TOX2: variants seen among roughly 807,000 people sequenced by gnomAD.
TOX2 encodes granulosa cell HMG box 1.
A neutral mutation model predicts 47.4 loss-of-function variants in TOX2; 15 were observed. The ratio of observed to expected loss-of-function variants is 0.32; its 90% CI spans 0.21 to 0.49. The LOEUF is 0.49. Among genes scored for constraint, TOX2 ranks in the 20% least tolerant of loss-of-function variants. The probability of loss-of-function intolerance (pLI) is 0.99; values close to 1 mark genes in which losing one functional copy is unlikely to be tolerated. For synonymous variants in TOX2, 290 were observed against 296.6 expected (o/e 0.98, Z 0.23); for missense variants, 622 against 673.1 (o/e 0.92, Z 0.84).
intron 1 of TOX2, among the ~76,000 whole-genome samples, chr20:43,929,853 G>T (rs2069229348): frequency 6.6e-6 from 1 of 152,068 alleles, no homozygotes; most frequent in Non-Finnish European, 1.5e-5. Context: ...GGGATTACAG[G>T]AACACACCAC....
At chr20:43,956,738 C>A (rs1423611813) in intron 1 of TOX2, among the ~76,000 whole-genome samples, 1 of 152,182 alleles carries the variant, frequency 6.6e-6, no homozygotes, top group African/African-American at 2.4e-5. Context: ...TAGGCTGGAA[C>A]CCGTTTCCCA....
At chr20:43,919,076 C>T (rs1016924430) in intron 1 of TOX2, among the ~76,000 whole-genome samples, 1 of 152,190 alleles carries the variant, frequency 6.6e-6, no homozygotes, top group African/African-American at 2.4e-5. Context: ...AACCTGGGTA[C>T]CACCTTCCCC....
intron 1 of TOX2, among the ~76,000 whole-genome samples, chr20:43,964,066 A>G (rs947207660): frequency 1.3e-5 from 2 of 152,060 alleles, no homozygotes; most frequent in African/African-American, 2.4e-5. Context: ...CATTTTGCAG[A>G]TGAGAAAACT....
intron 2 of TOX2, among the ~76,000 whole-genome samples, chr20:43,981,945 T>TG (rs1378482378): frequency 6.6e-6 from 1 of 152,046 alleles, no homozygotes; most frequent in African/African-American, 2.4e-5. Context: ...CTTTTTTTTT[T>TG]TTTTTTAAAG....
At chr20:44,057,861 G>A (rs1388234147) in intron 5 of TOX2, among the ~76,000 whole-genome samples, 1 of 150,644 alleles carries the variant, frequency 6.6e-6, no homozygotes, top group East Asian at 1.9e-4. Context: ...TCTGCTTCTG[G>A]GAGTTGGATG....
At chr20:43,918,129 T>C (rs2069077885) in intron 1 of TOX2, among the ~76,000 whole-genome samples, 1 of 152,182 alleles carries the variant, frequency 6.6e-6, no homozygotes, top group Non-Finnish European at 1.5e-5. Flanking sequence ...ACATCTTTCT[T>C]AGGGTAACTA....
At chr20:44,043,370 TG>T (rs1269541710) in intron 3 of TOX2, among the ~76,000 whole-genome samples, 1 of 152,248 alleles carries the variant, frequency 6.6e-6, no homozygotes, top group Non-Finnish European at 1.5e-5. Flanking sequence ...AAGGTCCCTT[TG>T]TACCTCTCTG....
intron 2 of TOX2, among the ~76,000 whole-genome samples, chr20:43,986,827 A>C (rs1600710376): frequency 6.6e-6 from 1 of 152,170 alleles, no homozygotes; most frequent in East Asian, 1.9e-4. Flanking sequence ...GCACTTTGGG[A>C]GTCTGAGGTG....
Position 44,068,633 on chromosome 20 carries a change from C to T in TOX2, c.1485-17C>T, listed in dbSNP as rs369258309. On this transcript the variant is annotated splice_polypyrimidine_tract_variant and intron_variant, in intron 8 of 8. Transcript: ENST00000341197. ...GAGGTACCCAACAGCTTTGACAGCC[C>T]CTCCTCTCTCTCACAGCCTGCTCCC... 6.2e-7 allele frequency: 1 copy of T among 1,607,954 alleles called. No homozygotes were observed. Among genetic ancestry groups the T allele is most frequent in the African/African-American group, 1.3e-5 (1 of 74,732 alleles).
rs142497311 is a variant in TOX2 at position 43,944,609 on chromosome 20, T to C, written c.100-28758T>C. Among the ~76,000 whole-genome samples, 56 of 152,312 alleles carry C rather than the reference T, an allele frequency of 3.7e-4. No individual in the cohort carries two copies. The East Asian group carries it at 0.01, about 27-fold the overall frequency. ...ACCAGCCCCCTTTATCACATGACAT[T>C]TGCTATTCCCAGGCCGTTCTCTCTG... is the stretch of plus-strand genomic sequence containing the variant. On this transcript the variant is annotated intron_variant, in intron 1 of 8. Transcript: ENST00000341197.
intron 2 of TOX2, among the ~76,000 whole-genome samples, chr20:43,994,450 C>A (rs548670075): frequency 1.4e-5 from 2 of 138,704 alleles, no homozygotes; most frequent in East Asian, 2.0e-4. Flanking sequence ...CAGAGCCAGA[C>A]CCTGTCTCCA....
intron 3 of TOX2, among the ~76,000 whole-genome samples, chr20:44,048,939 C>T (rs1185399802): frequency 6.6e-6 from 1 of 152,208 alleles, no homozygotes; most frequent in Non-Finnish European, 1.5e-5. Flanking sequence ...GAGTTTGAGA[C>T]AAGCCTGGCC....
chr20:44,054,990 G>C (rs1014064776), intron 5 of TOX2, among the ~76,000 whole-genome samples: 1 of 152,202 alleles, frequency 6.6e-6, no homozygotes, highest in Non-Finnish European at 1.5e-5. Flanking sequence ...TAAACTCTCT[G>C]AGCCTCGGTT....
Position 43,915,879 on chromosome 20 carries a change from C to G in TOX2, c.99+889C>G, listed in dbSNP as rs574637789. Among the ~76,000 whole-genome samples the G allele has an allele frequency of 7.2e-5, 11 of 152,244 alleles. No individual in the cohort carries two copies. Among genetic ancestry groups the G allele is most frequent in the Non-Finnish European group, 1.6e-4 (11 of 68,036 alleles). ...ATCTATCCCCCCACCCCAGCCAGGTCCCAGCTGCGCTGCGCCGGGCGCATT... is the reference window on the plus strand; with the variant it reads ...ATCTATCCCCCCACCCCAGCCAGGTGCCAGCTGCGCTGCGCCGGGCGCATT... On this transcript the variant is annotated intron_variant, in intron 1 of 8. Transcript: ENST00000341197. The surrounding 1 kb of genome is among the most constrained non-coding windows in gnomAD (Gnocchi z 7.1).
intron 1 of TOX2, among the ~76,000 whole-genome samples, chr20:43,951,712 T>TTTTTTTGTTTTTTTTTTTTTG (rs2069574810): frequency 8.4e-6 from 1 of 118,824 alleles, no homozygotes; most frequent in East Asian, 2.5e-4. Flanking sequence ...ATTATGTTTT[T>TTTTTTTGTTTTTTTTTTTTTG]TTTTTTTTTT....
At chr20:43,921,084 G>A (rs748801920) in intron 1 of TOX2, among the ~76,000 whole-genome samples, 1 of 152,212 alleles carries the variant, frequency 6.6e-6, no homozygotes, top group Non-Finnish European at 1.5e-5. Flanking sequence ...GGCACAAGGA[G>A]CCAGGGCAGG....
In TOX2 at chr20:43,915,112, G is replaced by A; in HGVS notation, c.99+122G>A. On this transcript the variant is annotated intron_variant, in intron 1 of 8. Coordinates refer to ENST00000341197, the MANE Select transcript of TOX2 (RefSeq NM_001098797.2). The surrounding 1 kb of genome is among the most constrained non-coding windows in gnomAD (Gnocchi z 7.1). ...ATCAGCCCCGCCGACGGGCACGGGC[G>A]GCTCACATCGATCCCCTCGCGGCCA... 1 of 480,834 alleles carries A rather than the reference G, an allele frequency of 2.1e-6. No homozygotes were observed. The highest frequency in any genetic ancestry group is 2.9e-6 in the Non-Finnish European group (1 of 350,866). 29.8% of individuals were successfully genotyped at this position (480,834 alleles called of 1,614,324 possible). A position where few individuals can be genotyped will look rare whatever the true frequency, so the allele number is the denominator to read the frequency against.
Position 43,916,185 on chromosome 20 carries a change from G to A in TOX2, c.99+1195G>A. ...GGTTTCCCGCAGCCCTGGCGCAGAC[G>A]CGTGGGCTCCGTGGCGATGCGGGGT... On this transcript the variant is annotated intron_variant, in intron 1 of 8. Coordinates refer to ENST00000341197, the MANE Select transcript of TOX2 (RefSeq NM_001098797.2). The surrounding 1 kb of genome is among the most constrained non-coding windows in gnomAD (Gnocchi z 5.0). The A allele has an allele frequency of 2.0e-6, 2 of 985,550 alleles. No homozygotes were observed. Among genetic ancestry groups the A allele is most frequent in the Non-Finnish European group, 2.4e-6 (2 of 829,984 alleles). The allele number at this position is 985,550 out of a possible 1,614,324, so 61.1% of individuals were successfully genotyped here.
At chr20:43,933,633 A>G (rs1187034417) in intron 1 of TOX2, among the ~76,000 whole-genome samples, 1 of 152,194 alleles carries the variant, frequency 6.6e-6, no homozygotes, top group African/African-American at 2.4e-5. Context: ...GCCCTGGAGC[A>G]GGGATGTTAC....
Sources: gnomAD v4.1 joint callset for allele counts (sites outside exome capture counted in the v4.1 genomes callset) on GRCh38, gnomAD v4.1.1 for gene constraint, Gnocchi (gnomAD v3.1) non-coding constraint, MANE v1.5 for transcripts, NCBI Gene and HGNC (gene_info 2026-07-23, HGNC 2026-07-21) for gene names.